Variants in CHD5 observed in about 807,000 individuals in gnomAD.
CHD5 encodes chromodomain helicase DNA binding protein 5, also known as ATP-dependent chromatin remodeler CHD5.
In CHD5, 69 loss-of-function variants were observed where a neutral mutation model predicts 230.3. The observed-to-expected ratio is 0.30, with a 90% CI of 0.25 to 0.37. The LOEUF (loss-of-function observed/expected upper bound fraction) is 0.37. Among genes scored for constraint, CHD5 ranks in the 10% least tolerant of loss-of-function variants. The pLI is 1.00. For missense variants in CHD5, 1,827 were observed against 2,622.8 expected (o/e 0.70, Z 6.63); for synonymous variants, 1,064 against 1,065.9 (o/e 1.00, Z 0.03).
chr1:6,144,935 G>A (rs756263301), intron 11 of CHD5, among the ~76,000 whole-genome samples: 5 of 152,210 alleles, frequency 3.3e-5, no homozygotes, highest in Non-Finnish European at 5.9e-5. Flanking sequence ...TGCAGATTGG[G>A]GGAACAAATC....
intron 1 of CHD5, among the ~76,000 whole-genome samples, chr1:6,171,507 G>GCC (rs112161942): frequency 2.0e-4 from 30 of 151,536 alleles, no homozygotes; most frequent in African/African-American, 6.3e-4. Context: ...CTATGACACT[G>GCC]CCCCCCCCAA....
chr1:6,150,313 GTGGA>G (rs562504291), intron 7 of CHD5, among the ~76,000 whole-genome samples: 3 of 144,082 alleles, frequency 2.1e-5, no homozygotes, highest in Non-Finnish European at 3.1e-5. Flanking sequence ...GAATGGACAA[GTGGA>G]TGGATGGATG....
In CHD5 at chr1:6,126,242, C is replaced by T. The variant is rs1379452542; in HGVS notation, c.4078+330G>A. 1.3e-5 allele frequency among the ~76,000 whole-genome samples: 2 copies of T among 152,174 alleles called. No individual in the cohort carries two copies. Among genetic ancestry groups the T allele is most frequent in the African/African-American group, 4.8e-5 (2 of 41,442 alleles). On this transcript the variant is annotated intron_variant, in intron 26 of 41. Transcript: ENST00000262450. This position sits in a 1 kb window ranked among gnomAD's most constrained non-coding sequence, Gnocchi z 5.7. ...AACCAGCGCCGCCCAGCGTTCCTGGCCCCCACCTCCCGGGGGGGTCCTGCA... is the reference window on the plus strand; with the variant it reads ...AACCAGCGCCGCCCAGCGTTCCTGGTCCCCACCTCCCGGGGGGGTCCTGCA...
intron 31 of CHD5, among the ~76,000 whole-genome samples, chr1:6,122,658 G>GT (rs1193850017): frequency 6.6e-6 from 1 of 152,130 alleles, no homozygotes; most frequent in Non-Finnish European, 1.5e-5. Flanking sequence ...AACTCAAAAC[G>GT]TATGTCCACG....
In CHD5 at chr1:6,159,500, G is replaced by T; in HGVS notation, c.223C>A (p.Leu75Ile). 6.3e-7 allele frequency: 1 copy of T among 1,597,658 alleles called. No homozygotes were observed. The change falls in exon 3 of 42, where the codon CTA (leucine) becomes ATA (isoleucine). Residue 75 changes from leucine to isoleucine, a missense_variant. By Grantham distance (5) the Leu-to-Ile change is conservative (BLOSUM62 2). Around this residue, in one of 14 missense-constraint regions of CHD5, gnomAD observed 657 missense variants for 816.4 expected, o/e 0.80. Transcript: ENST00000262450. ...RKKKEGSNDE[L>I]SENEEDLEEK... The stretch of plus-strand genomic sequence containing the variant: ...TCCAGATCCTCTTCATTCTCTGATA[G>T]CTCATCATTGCTCCCCTGGAAAAGA...
intron 39 of CHD5, 41 bp downstream of exon 39, chr1:6,106,575 C>A (rs374630895): frequency 3.2e-6 from 5 of 1,550,378 alleles, no homozygotes; most frequent in Non-Finnish European, 1.7e-6. Context: ...CCCAGGGGCA[C>A]GCCAGGGGGC....
chr1:6,146,663 A>AC lies in CHD5; in HGVS notation c.1590+1dup. 6.2e-7 allele frequency: 1 copy of AC among 1,613,616 alleles called. No individual in the cohort carries two copies. ...AGCACAGCCACCCTCCCGGGCACTC[A>AC]CCTGTAGCTCCTTCACCCAGGAGCA... On this transcript the variant is annotated splice_donor_variant, in intron 10 of 41. Transcript: ENST00000262450. LOFTEE classifies it high-confidence loss of function. This position sits in a 1 kb window ranked among gnomAD's most constrained non-coding sequence, Gnocchi z 5.1.
chr1:6,149,811 GTGGA>G (rs1355278931), intron 7 of CHD5, among the ~76,000 whole-genome samples: 3 of 147,796 alleles, frequency 2.0e-5, no homozygotes, highest in Non-Finnish European at 3.0e-5. Context: ...GGATGGATAG[GTGGA>G]TGGAAGGATG....
In CHD5 at chr1:6,128,800, C is replaced by T; in HGVS notation, c.3619+38G>A. ...GGATGGGTGTCTCAGCCGGGCCACC[C>T]CAGTCCCCTGCCACGCTCCCTCGGA... On this transcript the variant is annotated intron_variant, in intron 23 of 41. Coordinates refer to ENST00000262450, the MANE Select transcript of CHD5 (RefSeq NM_015557.3). The surrounding 1 kb of genome is among the most constrained non-coding windows in gnomAD (Gnocchi z 7.8). The T allele has an allele frequency of 1.3e-6, 2 of 1,566,842 alleles. No individual in the cohort carries two copies. The highest frequency in any genetic ancestry group is 1.7e-4 in the Middle Eastern group (1 of 5,908).
chr1:6,111,533 C>CAA (rs1314515019), intron 36 of CHD5, among the ~76,000 whole-genome samples: 2 of 86,222 alleles, frequency 2.3e-5, no homozygotes, highest in Non-Finnish European at 4.8e-5. Context: ...AACTCTATCT[C>CAA]AAAAAAAAAA....
chr1:6,131,150 G>A lies in CHD5; in HGVS notation c.3262+481C>T, dbSNP rs955768384. ...CTTTTGCTACAGGAGGAACTCCACC[G>A]GCAAGACCCTCCTGACCTCCACCCT... On this transcript the variant is annotated intron_variant, in intron 21 of 41. Coordinates refer to ENST00000262450, the MANE Select transcript of CHD5 (RefSeq NM_015557.3). The surrounding 1 kb of genome is among the most constrained non-coding windows in gnomAD (Gnocchi z 5.0). Among the ~76,000 whole-genome samples, 8 of 152,168 alleles carry A rather than the reference G, an allele frequency of 5.3e-5. No individual in the cohort carries two copies. Among genetic ancestry groups the A allele is most frequent in the Admixed American group, 3.9e-4 (6 of 15,288 alleles).
chr1:6,168,083 G>A, intron 2 of CHD5, 67 bp downstream of exon 2: 1 of 1,531,832 alleles, frequency 6.5e-7, no homozygotes, highest in Non-Finnish European at 8.8e-7. Context: ...GCCCTCCTCT[G>A]CGGCCGGGCA....
chr1:6,145,626 A>G (rs1246272654), intron 11 of CHD5, among the ~76,000 whole-genome samples: 1 of 152,228 alleles, frequency 6.6e-6, no homozygotes, highest in Non-Finnish European at 1.5e-5. Context: ...GGGAACTGCC[A>G]GACTGCTCCA....
At chr1:6,150,373 G>A (rs1666984289) in intron 7 of CHD5, among the ~76,000 whole-genome samples, 1 of 138,374 alleles carries the variant, frequency 7.2e-6, no homozygotes, top group African/African-American at 3.1e-5. Context: ...CAAAAGGATG[G>A]ATGGATGGAT....
rs1460124845 is a variant in CHD5, at chr1:6,131,770, G to C, written c.3145-22C>G. ...TCATCTGCAGGGGAGACGGGCACGTGAGGAACTGCCAAGGAGCAAGGGGCC... is the reference window on the plus strand; with the variant it reads ...TCATCTGCAGGGGAGACGGGCACGTCAGGAACTGCCAAGGAGCAAGGGGCC... On this transcript the variant is annotated intron_variant, in intron 20 of 41. Transcript: ENST00000262450. This position sits in a 1 kb window ranked among gnomAD's most constrained non-coding sequence, Gnocchi z 5.0. The C allele has an allele frequency of 6.5e-7, 1 of 1,534,716 alleles. No homozygotes were observed. The highest frequency in any genetic ancestry group is 1.4e-5 in the African/African-American group (1 of 73,362).
Position 6,146,865 on chromosome 1 carries a change from G to A in CHD5, c.1390C>T (p.Pro464Ser). 6.6e-7 allele frequency: 1 copy of A among 1,509,856 alleles called. No homozygotes were observed. The highest frequency in any genetic ancestry group is 8.9e-7 in the Non-Finnish European group (1 of 1,126,606). The allele number at this position is 1,509,856 out of a possible 1,614,324, so 93.5% of individuals were successfully genotyped here. Residue 464 changes from proline (P) to serine (S), a missense_variant, in exon 10 of 42, where the codon CCA (proline) becomes TCA (serine). Physicochemically the swap from Pro to Ser is moderately conservative, Grantham distance 74 (BLOSUM62 -1). Coordinates refer to ENST00000262450, the MANE Select transcript of CHD5 (RefSeq NM_015557.3). This position sits in a 1 kb window ranked among gnomAD's most constrained non-coding sequence, Gnocchi z 5.1. ...ATCCGCTGGACTTTGCCCTTCAGTG[G>A]GGGGCACTGTGGACAGAGAAGGGTC... ...EWLCPRCTCP[P>S]LKGKVQRILH...
intron 7 of CHD5, among the ~76,000 whole-genome samples, chr1:6,150,431 A>AGGATGGATGGATGGAT (rs74209532): frequency 7.6e-6 from 1 of 131,896 alleles, no homozygotes; most frequent in East Asian, 2.7e-4. Flanking sequence ...GATGGATGAT[A>AGGATGGATGGATGGAT]GGATGGATGG....
chr1:6,135,794 C>T (rs1308415636), intron 17 of CHD5, among the ~76,000 whole-genome samples: 1 of 152,030 alleles, frequency 6.6e-6, no homozygotes. Flanking sequence ...GCAGATCACC[C>T]GTCGGGAGTT....
rs1667066653 is a variant in CHD5, at chr1:6,155,469, G to C, written c.506+130C>G. On this transcript the variant is annotated intron_variant, in intron 4 of 41. Coordinates refer to ENST00000262450, the MANE Select transcript of CHD5 (RefSeq NM_015557.3). The surrounding 1 kb of genome is among the most constrained non-coding windows in gnomAD (Gnocchi z 4.0). ...CTGCCCCCTCCCTCCAGCTCCCCCA[G>C]GTTGCTCAGTCGGTCTGACAGAGCC... is the stretch of plus-strand genomic sequence containing the variant. 12 of 721,124 alleles carry C rather than the reference G, an allele frequency of 1.7e-5. No homozygotes were observed. The South Asian group carries it at 1.8e-4, about 11-fold the overall frequency. The allele number at this position is 721,124 out of a possible 1,614,324, so 44.7% of individuals were successfully genotyped here.
Sources: gnomAD v4.1 joint callset for allele counts (sites outside exome capture counted in the v4.1 genomes callset) on GRCh38, gnomAD v4.1.1 for gene constraint, gnomAD v4.1.1 regional missense constraint, Gnocchi (gnomAD v3.1) non-coding constraint, MANE v1.5 for transcripts, NCBI Gene and HGNC (gene_info 2026-07-23, HGNC 2026-07-21) for gene names.